Variants in MEIS2 observed in about 807,000 individuals in gnomAD.
The protein encoded by MEIS2 is Meis homeobox 2.
In MEIS2, 9 loss-of-function variants were observed where a neutral mutation model predicts 58.6. The observed-to-expected ratio is 0.15, with a 90% CI of 0.09 to 0.27. MEIS2 has a LOEUF of 0.27. Among genes scored for constraint, MEIS2 ranks in the 10% least tolerant of loss-of-function variants. The pLI is 1.00. For synonymous variants in MEIS2, 221 were observed against 228.4 expected (o/e 0.97, Z 0.29); for missense variants, 427 against 635.0 (o/e 0.67, Z 3.52).
intron 8 of MEIS2, among the ~76,000 whole-genome samples, chr15:37,004,436 A>T (rs923688983): frequency 6.6e-6 from 1 of 152,246 alleles, no homozygotes; most frequent in Non-Finnish European, 1.5e-5. Flanking sequence ...TGTAGGCATT[A>T]TCAGCCAATT....
chr15:36,919,493 T>C (rs986022042), intron 9 of MEIS2, among the ~76,000 whole-genome samples: 2 of 151,470 alleles, frequency 1.3e-5, no homozygotes, highest in African/African-American at 4.9e-5. Flanking sequence ...CAGGAGAATC[T>C]GTTGAACCCG....
In MEIS2 at chr15:37,099,742, C is replaced by T; in HGVS notation, c.-276G>A. 2 of 402,712 alleles carry T rather than the reference C, an allele frequency of 5.0e-6. No homozygotes were observed. The highest frequency in any genetic ancestry group is 3.9e-5 in the East Asian group (1 of 25,798). 24.9% of individuals were successfully genotyped at this position (402,712 alleles called of 1,614,324 possible). Reference sequence around the variant, plus strand: ...CTCCTCCACCTCCTCCTCCTCCCCCCTCCCCTCCTCCTCCTCTTCGGTCCT... The same window carrying T: ...CTCCTCCACCTCCTCCTCCTCCCCCTTCCCCTCCTCCTCCTCTTCGGTCCT... On this transcript the variant is annotated 5_prime_UTR_variant, in exon 1 of 12. Transcript: ENST00000561208.
At chr15:37,090,842 A>C (rs1161772301) in intron 6 of MEIS2, among the ~76,000 whole-genome samples, 1 of 152,182 alleles carries the variant, frequency 6.6e-6, no homozygotes, top group African/African-American at 2.4e-5. Context: ...ATTCATAGCC[A>C]ATAAGTTGAA....
At chr15:37,015,243 G>A (rs940779333) in intron 8 of MEIS2, among the ~76,000 whole-genome samples, 13 of 152,194 alleles carry the variant, frequency 8.5e-5, no homozygotes, top group Middle Eastern at 6.3e-3. Context: ...GTCACGGCAT[G>A]CATGATTCAC....
chr15:37,028,429 T>C (rs888361626), intron 8 of MEIS2, among the ~76,000 whole-genome samples: 1 of 152,172 alleles, frequency 6.6e-6, no homozygotes, highest in Non-Finnish European at 1.5e-5. Flanking sequence ...AGTAAAAGGT[T>C]ATGACATAGC....
intron 9 of MEIS2, chr15:36,904,016 C>T (rs2056604344): frequency 2.0e-5 from 3 of 152,238 alleles, no homozygotes; most frequent in African/African-American, 4.8e-5. Flanking sequence ...TTCTCCCATA[C>T]AGTCTAGCAG....
At chr15:37,080,993 G>T (rs549519489) in intron 7 of MEIS2, among the ~76,000 whole-genome samples, 9 of 152,162 alleles carry the variant, frequency 5.9e-5, no homozygotes, top group Non-Finnish European at 8.8e-5. Flanking sequence ...TCACTATCAG[G>T]TCATAAAACA....
At chr15:36,896,500 A>T in intron 10 of MEIS2, 128 bp downstream of exon 10, 1 of 652,764 alleles carries the variant, frequency 1.5e-6, no homozygotes, top group East Asian at 2.7e-5. Flanking sequence ...GATTCTGGGG[A>T]CATTAAAAAA....
intron 9 of MEIS2, among the ~76,000 whole-genome samples, chr15:36,908,117 CAA>C (rs1239027404): frequency 6.6e-6 from 1 of 152,056 alleles, no homozygotes; most frequent in African/African-American, 2.4e-5. Context: ...GTTCACATAT[CAA>C]AGACCAAATT....
chr15:36,974,910 C>G (rs990801720), intron 8 of MEIS2, among the ~76,000 whole-genome samples: 2 of 152,108 alleles, frequency 1.3e-5, no homozygotes, highest in Non-Finnish European at 2.9e-5. Flanking sequence ...CCTGCTAACA[C>G]GTGCCCAAGA....
intron 7 of MEIS2, among the ~76,000 whole-genome samples, chr15:37,061,980 T>C (rs1889276396): frequency 6.6e-6 from 1 of 152,220 alleles, no homozygotes; most frequent in African/African-American, 2.4e-5. Flanking sequence ...TTCAAGTAAA[T>C]GTCTTAGGGG....
Position 37,040,695 on chromosome 15 carries a change from T to C in MEIS2, c.755-3736A>G, listed in dbSNP as rs148128207. 2.6e-3 allele frequency among the ~76,000 whole-genome samples: 393 copies of C among 152,280 alleles called. 4 individuals are homozygous for C. The highest frequency in any genetic ancestry group is 8.9e-3 in the African/African-American group (370 of 41,566). On this transcript the variant is annotated intron_variant, in intron 7 of 11. Coordinates refer to ENST00000561208, the MANE Select transcript of MEIS2 (RefSeq NM_170675.5). ...GCATAGTCTAAGTTTTGGGTAAACA[T>C]ACTCAAAATAAATGTGCATTAGTGA...
chr15:36,997,885 C>A (rs941612687), intron 8 of MEIS2, among the ~76,000 whole-genome samples: 1 of 152,184 alleles, frequency 6.6e-6, no homozygotes, highest in Non-Finnish European at 1.5e-5. Flanking sequence ...ATTCCACATT[C>A]AGTTTACTGG....
In MEIS2 at chr15:36,890,554, A is replaced by C. The variant is rs1723414387; in HGVS notation, c.*1619T>G. 6.6e-6 allele frequency: 1 copy of C among 152,188 alleles called. No homozygotes were observed. Among genetic ancestry groups the C allele is most frequent in the Admixed American group, 6.5e-5 (1 of 15,284 alleles). 9.4% of individuals were successfully genotyped at this position (152,188 alleles called of 1,614,324 possible). A position where few individuals can be genotyped will look rare whatever the true frequency, so the allele number is the denominator to read the frequency against. ...CAAACTCCATAGAAGTTGTTTACTT[A>C]TCTATGAACACCCATATGTAAATTT... is the stretch of plus-strand genomic sequence containing the variant. On this transcript the variant is annotated 3_prime_UTR_variant, in exon 12 of 12. Transcript: ENST00000561208.
chr15:36,954,070 A>C (rs2058860632), intron 8 of MEIS2, among the ~76,000 whole-genome samples: 1 of 152,134 alleles, frequency 6.6e-6, no homozygotes, highest in Admixed American at 6.5e-5. Context: ...ACCTCAAATC[A>C]CCTCATAAAT....
chr15:36,950,238 A>AG (rs1782083725), intron 9 of MEIS2, 86 bp downstream of exon 9: 21 of 1,134,818 alleles, frequency 1.9e-5, no homozygotes, highest in Non-Finnish European at 2.6e-5. Context: ...CATTTGTTTT[A>AG]GAAAAAAAAA....
chr15:37,097,308 C>T (rs961992094), intron 2 of MEIS2: 5 of 152,152 alleles, frequency 3.3e-5, no homozygotes, highest in African/African-American at 1.2e-4. Flanking sequence ...ACGTTAGGAT[C>T]GTGCATCTCA....
intron 9 of MEIS2, among the ~76,000 whole-genome samples, chr15:36,916,480 G>A (rs1262107797): frequency 1.3e-5 from 2 of 150,092 alleles, no homozygotes; most frequent in Admixed American, 6.6e-5. Flanking sequence ...TGCCCAGGCT[G>A]AAGTGCAGTG....
chr15:37,100,143 A>G lies in MEIS2; in HGVS notation c.-677T>C, dbSNP rs532638025. The G allele has an allele frequency of 3.0e-4, 39 of 129,296 alleles. No individual in the cohort carries two copies. The highest frequency in any genetic ancestry group is 1.0e-3 in the African/African-American group (34 of 33,690). 8.0% of individuals were successfully genotyped at this position (129,296 alleles called of 1,614,324 possible). A position where few individuals can be genotyped will look rare whatever the true frequency, so the allele number is the denominator to read the frequency against. On this transcript the variant is annotated 5_prime_UTR_variant, in exon 1 of 12. Coordinates refer to ENST00000561208, the MANE Select transcript of MEIS2 (RefSeq NM_170675.5). ...TAATACGATCCTCTCTCTTTAAAGT[A>G]TTGTTCAAAGAAAGCAGTGAGAAAA...
Sources: gnomAD v4.1 joint callset for allele counts (sites outside exome capture counted in the v4.1 genomes callset) on GRCh38, gnomAD v4.1.1 for gene constraint, MANE v1.5 for transcripts, NCBI Gene and HGNC (gene_info 2026-07-23, HGNC 2026-07-21) for gene names.